GALNT10: variants seen among roughly 807,000 people sequenced by gnomAD.
GALNT10 encodes the protein polypeptide N-acetylgalactosaminyltransferase 10.
A neutral mutation model predicts 75.0 loss-of-function variants in GALNT10; 41 were observed. That is an observed-to-expected ratio of 0.55 (90% CI 0.43 to 0.71). GALNT10 has a LOEUF of 0.71. Ranked by LOEUF, GALNT10 falls within the 30% of genes least tolerant of loss-of-function variation. The pLI, the probability that GALNT10 is intolerant of heterozygous loss-of-function variation, is 0.00. For synonymous variants in GALNT10, 302 were observed against 313.0 expected, an observed-to-expected ratio of 0.96 and a Z score of 0.37; for missense variants, 727 against 818.5, an observed-to-expected ratio of 0.89 and a Z score of 1.36.
intron 1 of GALNT10, among the ~76,000 whole-genome samples, chr5:154,280,252 T>C (rs188248489): frequency 6.6e-6 from 1 of 152,226 alleles, no homozygotes; most frequent in Admixed American, 6.5e-5. Context: ...TACTAGAGAC[T>C]GGGAAGGGAA....
intron 4 of GALNT10, among the ~76,000 whole-genome samples, chr5:154,332,267 C>G (rs552437398): frequency 5.1e-4 from 78 of 152,332 alleles, no homozygotes; most frequent in African/African-American, 1.8e-3. Flanking sequence ...GTACGGGCTG[C>G]CTGCTCTGAG....
At chr5:154,210,385 TACACACAC>T (rs35928766) in intron 1 of GALNT10, among the ~76,000 whole-genome samples, 5 of 148,878 alleles carry the variant, frequency 3.4e-5, no homozygotes, top group Non-Finnish European at 6.0e-5. Flanking sequence ...CACACATGCA[TACACACAC>T]ACACACACAC....
intron 1 of GALNT10, among the ~76,000 whole-genome samples, chr5:154,271,696 A>G (rs963892288): frequency 6.6e-5 from 10 of 152,210 alleles, no homozygotes; most frequent in African/African-American, 2.4e-4. Flanking sequence ...TGGATGCCAC[A>G]TGTCCAGTCA....
chr5:154,310,445 TTTTTTTTG>T (rs1754497942), intron 3 of GALNT10, among the ~76,000 whole-genome samples: 2 of 50,168 alleles, frequency 4.0e-5, no homozygotes, highest in African/African-American at 1.3e-4. Flanking sequence ...TTTTTTGTTT[TTTTTTTTG>T]TTTGTTTGTT....
chr5:154,205,285 T>C (rs12653979), intron 1 of GALNT10, among the ~76,000 whole-genome samples: 67,406 of 152,132 alleles, frequency 0.44, 15,786 homozygotes, highest in East Asian at 0.78. Flanking sequence ...CGTGGCTTCA[T>C]TGGTGGTATC....
intron 1 of GALNT10, among the ~76,000 whole-genome samples, chr5:154,291,501 A>G (rs729987): frequency 0.31 from 47,322 of 151,978 alleles, 7,709 homozygotes; most frequent in Non-Finnish European, 0.35. Flanking sequence ...ACTAGTCCCA[A>G]CCCTGCACTT....
intron 5 of GALNT10, among the ~76,000 whole-genome samples, chr5:154,378,456 A>G (rs1219804022): frequency 1.3e-5 from 2 of 152,296 alleles, no homozygotes; most frequent in East Asian, 3.9e-4. Flanking sequence ...TGCAAACGAG[A>G]AAACTGAGAG....
At position 154,415,932 on chromosome 5, in the gene GALNT10, A is replaced by T; in HGVS notation, c.1653A>T (p.Lys551Asn). ...MKGNQLWKYR[K>N]DKTLYHPVSG... ...GCAACCAGCTGTGGAAATACCGCAA[A>T]GTAAGATGGGATGCGGGGGGAGCAG... Residue 551 changes from lysine to asparagine, a missense_variant and splice_region_variant, in exon 11 of 12, where the codon AAA becomes AAT. By Grantham distance (94) the Lys-to-Asn change is moderately conservative. Coordinates refer to ENST00000297107, the MANE Select transcript of GALNT10 (RefSeq NM_198321.4). The T allele has an allele frequency of 1.9e-6, 3 of 1,613,852 alleles. No individual in the cohort carries two copies. The highest frequency in any genetic ancestry group is 1.7e-4 in the Middle Eastern group (1 of 6,030).
rs575758396 is a variant in GALNT10 at position 154,331,404 on chromosome 5, T to C, written c.568+1666T>C. On this transcript the variant is annotated intron_variant, in intron 4 of 11. Transcript: ENST00000297107. ...TTGGCAGAGAGCCTGGCAATATCTA[T>C]ATCTTTGATCCTGGCCCTGCTACAT... 3.9e-5 allele frequency among the ~76,000 whole-genome samples: 6 copies of C among 152,332 alleles called. No individual in the cohort carries two copies. The South Asian group carries it at 1.0e-3, about 26-fold the overall frequency.
chr5:154,208,811 T>G (rs1399575314), intron 1 of GALNT10, among the ~76,000 whole-genome samples: 1 of 152,128 alleles, frequency 6.6e-6, no homozygotes, highest in Non-Finnish European at 1.5e-5. Context: ...TATTAAGAAG[T>G]GAAAAGCACT....
chr5:154,376,209 A>G lies in GALNT10; in HGVS notation c.569-68A>G, dbSNP rs1755649708. On this transcript the variant is annotated intron_variant, in intron 4 of 11. Transcript: ENST00000297107. The surrounding 1 kb of genome is among the most constrained non-coding windows in gnomAD (Gnocchi z 4.1). ...AGACTGTGAAGTGCAGTTCACATGTAAGGGAGGAGTCATAAGGATGACTAC... is the reference window on the plus strand; with the variant it reads ...AGACTGTGAAGTGCAGTTCACATGTGAGGGAGGAGTCATAAGGATGACTAC... 4.1e-6 allele frequency: 4 copies of G among 978,948 alleles called. No homozygotes were observed. Among genetic ancestry groups the G allele is most frequent in the Non-Finnish European group, 6.5e-6 (4 of 619,376 alleles). 60.6% of individuals were successfully genotyped at this position (978,948 alleles called of 1,614,324 possible). A position where few individuals can be genotyped will look rare whatever the true frequency, so the allele number is the denominator to read the frequency against.
At chr5:154,308,454 G>C (rs1472181454) in intron 3 of GALNT10, among the ~76,000 whole-genome samples, 1 of 152,198 alleles carries the variant, frequency 6.6e-6, no homozygotes, top group Non-Finnish European at 1.5e-5. Flanking sequence ...CTCGAATGGT[G>C]ATGTAAGCCT....
Position 154,279,346 on chromosome 5 carries a change from C to T in GALNT10, c.160-15470C>T, listed in dbSNP as rs555841498. Among the ~76,000 whole-genome samples, 6 of 148,506 alleles carry T rather than the reference C, an allele frequency of 4.0e-5. No homozygotes were observed. In the South Asian group the frequency reaches 1.3e-3, roughly 32 times the overall value. On this transcript the variant is annotated intron_variant, in intron 1 of 11. Transcript: ENST00000297107. The stretch of plus-strand genomic sequence containing the variant: ...GAGATGGAGCTTTGCTCTTGTTGCC[C>T]AGGCTGGAGTACAATGGCACGATCT...
chr5:154,209,310 C>G (rs1775158235), intron 1 of GALNT10, among the ~76,000 whole-genome samples: 1 of 152,222 alleles, frequency 6.6e-6, no homozygotes, highest in Non-Finnish European at 1.5e-5. Flanking sequence ...GCATCTTCTA[C>G]TAACCACTGT....
chr5:154,288,941 A>C (rs919232906), intron 1 of GALNT10, among the ~76,000 whole-genome samples: 1 of 152,190 alleles, frequency 6.6e-6, no homozygotes, highest in Non-Finnish European at 1.5e-5. Context: ...CTTGAAGAAC[A>C]CTGTGTTTCG....
chr5:154,203,910 G>A (rs756459217), intron 1 of GALNT10, among the ~76,000 whole-genome samples: 2 of 152,194 alleles, frequency 1.3e-5, no homozygotes, highest in African/African-American at 4.8e-5. Flanking sequence ...TACAGTCTCT[G>A]CCACAACTAC....
chr5:154,198,742 C>T (rs1774982940), intron 1 of GALNT10, among the ~76,000 whole-genome samples: 1 of 151,026 alleles, frequency 6.6e-6, no homozygotes, highest in Admixed American at 6.6e-5. Flanking sequence ...AGGAAGTGTT[C>T]TTTGGTTACT....
At chr5:154,312,417 T>C (rs1230280784) in intron 3 of GALNT10, among the ~76,000 whole-genome samples, 1 of 152,198 alleles carries the variant, frequency 6.6e-6, no homozygotes, top group Non-Finnish European at 1.5e-5. Flanking sequence ...TGTAACAGTT[T>C]AGTAGCTTTC....
chr5:154,301,767 G>A (rs1409225289), intron 3 of GALNT10, among the ~76,000 whole-genome samples: 1 of 152,122 alleles, frequency 6.6e-6, no homozygotes, highest in Admixed American at 6.5e-5. Context: ...TATGTATTAT[G>A]AGCATTGCTC....
Sources: gnomAD v4.1 joint callset for allele counts (sites outside exome capture counted in the v4.1 genomes callset) on GRCh38, gnomAD v4.1.1 for gene constraint, Gnocchi (gnomAD v3.1) non-coding constraint, MANE v1.5 for transcripts, NCBI Gene and HGNC (gene_info 2026-07-23, HGNC 2026-07-21) for gene names.